CGNL1: variants seen among roughly 807,000 people sequenced by gnomAD.
The protein encoded by CGNL1 is cingulin like 1, also known as cingulin-like protein 1.
CGNL1 carries 132 observed loss-of-function variants against 141.2 expected under a neutral mutation model. That is an observed-to-expected ratio of 0.93 (90% CI 0.81 to 1.08). The LOEUF is 1.08. CGNL1 is among the 50% of genes least tolerant of loss of function. The pLI is 0.00. For missense variants in CGNL1, 1,870 were observed against 1,588.6 expected (o/e 1.18, Z -3.01); for synonymous variants, 690 against 622.1 (o/e 1.11, Z -1.63).
intron 10 of CGNL1, among the ~76,000 whole-genome samples, chr15:57,522,525 C>G (rs1360820574): frequency 6.6e-6 from 1 of 152,174 alleles, no homozygotes; most frequent in Non-Finnish European, 1.5e-5. Flanking sequence ...AGTCAGCCCT[C>G]GGTGCCTGAC....
At chr15:57,496,389 A>T (rs959499772) in intron 8 of CGNL1, among the ~76,000 whole-genome samples, 1 of 152,140 alleles carries the variant, frequency 6.6e-6, no homozygotes, top group Non-Finnish European at 1.5e-5. Context: ...GGGACCAGGA[A>T]CACAAACCCT....
At chr15:57,431,748 C>G (rs954614983) in intron 1 of CGNL1, among the ~76,000 whole-genome samples, 1 of 151,772 alleles carries the variant, frequency 6.6e-6, no homozygotes, top group Non-Finnish European at 1.5e-5. Context: ...TTTTTTAAAC[C>G]TCATCAGCTA....
intron 13 of CGNL1, among the ~76,000 whole-genome samples, chr15:57,529,966 C>T (rs1388675558): frequency 6.6e-6 from 1 of 152,194 alleles, no homozygotes; most frequent in East Asian, 1.9e-4. Context: ...TTGCTAATGT[C>T]CTGGCTCTGA....
Position 57,523,431 on chromosome 15 carries a change from G to A in CGNL1, c.2716-58G>A, listed in dbSNP as rs1309365565. ...GACTATGAAGTTCCCTGTGCCACCCGTTCCTGTGGCTACCTGGTTAGTAGG... is the reference window on the plus strand; with the variant it reads ...GACTATGAAGTTCCCTGTGCCACCCATTCCTGTGGCTACCTGGTTAGTAGG... On this transcript the variant is annotated intron_variant, in intron 10 of 18. Coordinates refer to ENST00000281282, the MANE Select transcript of CGNL1 (RefSeq NM_032866.5). 1.1e-5 allele frequency: 17 copies of A among 1,577,900 alleles called. 1 individual carries two copies. Among genetic ancestry groups the A allele is most frequent in the Middle Eastern group, 1.9e-4 (1 of 5,396 alleles).
intron 8 of CGNL1, among the ~76,000 whole-genome samples, chr15:57,492,623 A>G (rs1167601253): frequency 1.3e-5 from 2 of 152,176 alleles, no homozygotes; most frequent in African/African-American, 4.8e-5. Context: ...AAGGTGAATT[A>G]GAGATGTAGT....
intron 14 of CGNL1, among the ~76,000 whole-genome samples, chr15:57,540,103 A>G (rs147389211): frequency 5.3e-5 from 8 of 152,204 alleles, no homozygotes; most frequent in African/African-American, 1.9e-4. Flanking sequence ...CACCTCCCTC[A>G]TATGGCTAAT....
chr15:57,424,985 A>G (rs1229423536), intron 1 of CGNL1, among the ~76,000 whole-genome samples: 7 of 152,250 alleles, frequency 4.6e-5, no homozygotes. Flanking sequence ...TGATGGTAAT[A>G]TAAGAACTAT....
intron 7 of CGNL1, among the ~76,000 whole-genome samples, chr15:57,461,247 A>G (rs1179070414): frequency 6.6e-6 from 1 of 152,172 alleles, no homozygotes; most frequent in African/African-American, 2.4e-5. Context: ...AGGAATGTGG[A>G]TGAAGGGTTT....
intron 13 of CGNL1, 135 bp from the exon 14 acceptor site, chr15:57,531,555 G>A (rs192103445): frequency 1.5e-6 from 1 of 662,696 alleles, no homozygotes; most frequent in African/African-American, 1.8e-5. Context: ...GTAAGAAATA[G>A]ATATATTGTT....
intron 4 of CGNL1, among the ~76,000 whole-genome samples, chr15:57,451,203 C>T (rs180837543): frequency 6.6e-6 from 1 of 152,186 alleles, no homozygotes; most frequent in East Asian, 1.9e-4. Flanking sequence ...AACAAATATG[C>T]CATGTATGCA....
chr15:57,440,165 T>C (rs2063168253), intron 2 of CGNL1, among the ~76,000 whole-genome samples: 1 of 150,960 alleles, frequency 6.6e-6, no homozygotes, highest in South Asian at 2.1e-4. Context: ...TATTACAGGA[T>C]TGCACCAACC....
chr15:57,517,981 G>T (rs2030951333), intron 9 of CGNL1, among the ~76,000 whole-genome samples: 1 of 125,748 alleles, frequency 8.0e-6, no homozygotes, highest in African/African-American at 3.0e-5. Flanking sequence ...CAGGAATAAG[G>T]CCAGATATTT....
intron 1 of CGNL1, among the ~76,000 whole-genome samples, chr15:57,436,856 A>G (rs971822197): frequency 6.6e-6 from 1 of 152,200 alleles, no homozygotes; most frequent in African/African-American, 2.4e-5. Context: ...ACAACATTAG[A>G]TAATAAATGA....
At chr15:57,399,714 G>A (rs1242295590) in intron 1 of CGNL1, among the ~76,000 whole-genome samples, 1 of 152,040 alleles carries the variant, frequency 6.6e-6, no homozygotes, top group East Asian at 1.9e-4. Flanking sequence ...TGTCCATTGA[G>A]GATTGCAGGT....
At chr15:57,510,803 TG>T (rs1268355105) in intron 8 of CGNL1, among the ~76,000 whole-genome samples, 1 of 152,216 alleles carries the variant, frequency 6.6e-6, no homozygotes, top group Non-Finnish European at 1.5e-5. Context: ...CTGGGCCATC[TG>T]GGCCTTTTCC....
rs1271589389 is a variant in CGNL1, at chr15:57,548,900, A to C, written c.*1410A>C. ...AGAAGGAAGACAGAGAAGTTCTTGA[A>C]AGCTGGGGGATGTGTGGGCAAGAGG... On this transcript the variant is annotated 3_prime_UTR_variant, in exon 19 of 19. Transcript: ENST00000281282. The C allele has an allele frequency of 2.0e-5, 3 of 152,524 alleles. No homozygotes were observed. The highest frequency in any genetic ancestry group is 4.4e-5 in the Non-Finnish European group (3 of 68,300). The allele number at this position is 152,524 out of a possible 1,614,324, so 9.4% of individuals were successfully genotyped here.
At chr15:57,470,256 C>CTTTTTTTTTTTTTTTTTTTTTTTTTT (rs60982599) in intron 8 of CGNL1, among the ~76,000 whole-genome samples, 6 of 113,994 alleles carry the variant, frequency 5.3e-5, no homozygotes, top group African/African-American at 6.9e-5. Flanking sequence ...TTTTGTCTCT[C>CTTTTTTTTTTTTTTTTTTTTTTTTTT]TTTTTTTTTT....
chr15:57,476,426 C>G (rs1567141996), intron 8 of CGNL1, among the ~76,000 whole-genome samples: 1 of 152,218 alleles, frequency 6.6e-6, no homozygotes, highest in Admixed American at 6.5e-5. Flanking sequence ...TTACCTTAGA[C>G]AGCTAATAGT....
At chr15:57,512,386 G>A (rs2030388830) in intron 8 of CGNL1, among the ~76,000 whole-genome samples, 2 of 152,142 alleles carry the variant, frequency 1.3e-5, no homozygotes, top group Non-Finnish European at 2.9e-5. Context: ...TGGCCATGTG[G>A]GGGTGTGGGG....
Sources: allele counts gnomAD v4.1 joint callset (sites outside exome capture counted in the v4.1 genomes callset), GRCh38; gene constraint gnomAD v4.1.1; transcripts MANE v1.5; gene names NCBI Gene and HGNC (gene_info 2026-07-23, HGNC 2026-07-21).